Variants in C12orf50 observed in about 807,000 individuals in gnomAD.
C12orf50 encodes the protein zinc finger CCCH-type containing 11D.
C12orf50 carries 35 observed loss-of-function variants against 61.6 expected under a neutral mutation model. The observed-to-expected ratio is 0.57, with a 90% CI of 0.43 to 0.75. The LOEUF (loss-of-function observed/expected upper bound fraction) is 0.75. C12orf50 is among the 30% of genes least tolerant of loss of function. The probability of loss-of-function intolerance (pLI) is 0.00; values close to 1 mark genes in which losing one functional copy is unlikely to be tolerated. For missense variants in C12orf50, 475 were observed against 488.5 expected (o/e 0.97, Z 0.26); for synonymous variants, 178 against 161.5 (o/e 1.10, Z -0.77).
intron 3 of C12orf50, among the ~76,000 whole-genome samples, chr12:88,007,868 A>C (rs1399617433): frequency 6.6e-6 from 1 of 152,190 alleles, no homozygotes; most frequent in East Asian, 1.9e-4. Context: ...AATTGTAATA[A>C]TAATTCAATC....
At chr12:87,995,968 C>A (rs2031369068) in intron 6 of C12orf50, among the ~76,000 whole-genome samples, 1 of 152,200 alleles carries the variant, frequency 6.6e-6, no homozygotes, top group African/African-American at 2.4e-5. Flanking sequence ...ATTCAATGAC[C>A]AAATAATCTC....
intron 3 of C12orf50, among the ~76,000 whole-genome samples, chr12:88,012,876 T>C (rs1020278653): frequency 2.6e-5 from 4 of 152,012 alleles, no homozygotes; most frequent in African/African-American, 9.7e-5. Context: ...CCGGCCTACA[T>C]AATATGGTGA....
intron 7 of C12orf50, among the ~76,000 whole-genome samples, chr12:87,992,463 A>G (rs2031171560): frequency 6.6e-6 from 1 of 152,118 alleles, no homozygotes; most frequent in Non-Finnish European, 1.5e-5. Context: ...ATATATATGT[A>G]CACATATACA....
chr12:88,011,904 A>T (rs886915627), intron 3 of C12orf50, among the ~76,000 whole-genome samples: 1 of 152,198 alleles, frequency 6.6e-6, no homozygotes, highest in Admixed American at 6.5e-5. Flanking sequence ...TAAAACCGGT[A>T]ATATACTGGA....
At chr12:88,002,859 A>G (rs79937756) in intron 3 of C12orf50, among the ~76,000 whole-genome samples, 6,329 of 151,674 alleles carry the variant, frequency 0.042, 419 homozygotes, top group African/African-American at 0.14. Flanking sequence ...AGGTTGCTCT[A>G]TGGCTTACTA....
chr12:87,983,038 T>G, intron 12 of C12orf50, 65 bp downstream of exon 12: 1 of 938,948 alleles, frequency 1.1e-6, no homozygotes, highest in Non-Finnish European at 1.6e-6. Flanking sequence ...AAACACTCCT[T>G]GCACTTGAAA....
chr12:88,020,859 A>T (rs928986071), intron 3 of C12orf50, among the ~76,000 whole-genome samples: 1 of 152,164 alleles, frequency 6.6e-6, no homozygotes, highest in African/African-American at 2.4e-5. Flanking sequence ...CAGCACAATA[A>T]ATATAGGAAT....
At chr12:87,994,577 G>T in intron 7 of C12orf50, 56 bp downstream of exon 7, 1 of 1,186,356 alleles carries the variant, frequency 8.4e-7, no homozygotes, top group South Asian at 1.4e-5. Flanking sequence ...ATAAAATTCA[G>T]ACTCATTTAT....
chr12:88,021,123 C>G (rs920999464), intron 3 of C12orf50, among the ~76,000 whole-genome samples: 4 of 151,964 alleles, frequency 2.6e-5, no homozygotes, highest in Non-Finnish European at 5.9e-5. Context: ...ACTAGAAGAA[C>G]TAGAGAAGTA....
intron 3 of C12orf50, among the ~76,000 whole-genome samples, chr12:88,022,353 CA>C (rs1258144231): frequency 2.0e-5 from 3 of 151,998 alleles, no homozygotes; most frequent in African/African-American, 7.3e-5. Context: ...AAACGTACTT[CA>C]AAATAATAAG....
intron 2 of C12orf50, 31 bp from the exon 3 acceptor site, chr12:88,026,639 T>A (rs1196199751): frequency 6.2e-7 from 1 of 1,607,836 alleles, no homozygotes; most frequent in East Asian, 2.2e-5. Context: ...GGAAATGTAA[T>A]GATTAGATGC....
At chr12:87,995,518 C>G (rs895164456) in intron 6 of C12orf50, among the ~76,000 whole-genome samples, 2 of 151,932 alleles carry the variant, frequency 1.3e-5, no homozygotes, top group Non-Finnish European at 2.9e-5. Flanking sequence ...AAAATGCTAA[C>G]GTTTGAAGGA....
At chr12:87,981,198 A>T (rs1007226469) in intron 12 of C12orf50, among the ~76,000 whole-genome samples, 3 of 152,026 alleles carry the variant, frequency 2.0e-5, no homozygotes, top group African/African-American at 7.2e-5. Context: ...CAGATTTAAA[A>T]TTTTTTCTCA....
At chr12:88,008,133 G>A (rs1436985777) in intron 3 of C12orf50, among the ~76,000 whole-genome samples, 2 of 151,958 alleles carry the variant, frequency 1.3e-5, no homozygotes, top group African/African-American at 4.8e-5. Flanking sequence ...TGTACCATGG[G>A]GGTTTGTTGT....
intron 3 of C12orf50, among the ~76,000 whole-genome samples, chr12:88,012,430 C>T (rs1006948805): frequency 1.4e-4 from 22 of 152,282 alleles, no homozygotes; most frequent in African/African-American, 5.3e-4. Context: ...AAATTGTTTT[C>T]ATTTAGACTC....
chr12:88,021,336 A>G (rs2032510251), intron 3 of C12orf50, among the ~76,000 whole-genome samples: 1 of 151,850 alleles, frequency 6.6e-6, no homozygotes, highest in South Asian at 2.1e-4. Context: ...AGTAAACACA[A>G]TTAGAAATGA....
intron 3 of C12orf50, among the ~76,000 whole-genome samples, chr12:88,019,465 G>A (rs1358330687): frequency 6.6e-6 from 1 of 152,118 alleles, no homozygotes; most frequent in Non-Finnish European, 1.5e-5. Context: ...TTTATCAGCA[G>A]TGCAAAAGAA....
chr12:88,005,922 T>G (rs1346491685), intron 3 of C12orf50, among the ~76,000 whole-genome samples: 1 of 142,262 alleles, frequency 7.0e-6, no homozygotes, highest in Non-Finnish European at 1.5e-5. Flanking sequence ...GTTTTTTTTT[T>G]TTTTTTTTTT....
intron 12 of C12orf50, among the ~76,000 whole-genome samples, chr12:87,982,245 A>ATC (rs2030520339): frequency 4.0e-4 from 61 of 152,166 alleles, no homozygotes; most frequent in Admixed American, 4.0e-3. Context: ...TCACATGTGA[A>ATC]AATTCACACA....
Sources: allele counts gnomAD v4.1 joint callset (sites outside exome capture counted in the v4.1 genomes callset), GRCh38; gene constraint gnomAD v4.1.1; transcripts MANE v1.5; gene names NCBI Gene and HGNC (gene_info 2026-07-23, HGNC 2026-07-21).